MYH11: variants seen among roughly 807,000 people sequenced by gnomAD.
MYH11 encodes the protein myosin heavy chain 11.
MYH11 carries 80 observed loss-of-function variants against 246.6 expected under a neutral mutation model. The ratio of observed to expected loss-of-function variants is 0.32; its 90% CI spans 0.27 to 0.39. MYH11 has a LOEUF of 0.39. Among genes scored for constraint, MYH11 ranks in the 10% least tolerant of loss-of-function variants. The pLI is 1.00. For synonymous variants in MYH11, 1,071 were observed against 1,015.5 expected, an observed-to-expected ratio of 1.05 and a Z score of -1.04; for missense variants, 2,158 against 2,546.8, an observed-to-expected ratio of 0.85 and a Z score of 3.29.
chr16:15,798,633 A>C (rs80350009), intron 4 of MYH11, 27 bp downstream of exon 4: 1 of 1,571,028 alleles, frequency 6.4e-7, no homozygotes, highest in South Asian at 1.2e-5. Flanking sequence ...ACAAAAAAAA[A>C]ACAGAAGAAA....
At chr16:15,817,510 CA>C (rs896327561) in intron 3 of MYH11, among the ~76,000 whole-genome samples, 4 of 143,462 alleles carry the variant, frequency 2.8e-5, no homozygotes, top group African/African-American at 2.7e-5. Context: ...GACTCTGCCT[CA>C]AAAAAAAAGG....
chr16:15,798,701 G>A lies in MYH11; in HGVS notation c.503-14C>T, dbSNP rs2042811263. On this transcript the variant is annotated splice_polypyrimidine_tract_variant and intron_variant, in intron 3 of 40. Transcript: ENST00000300036. ...GGTCCTCCCGATCTGCAAACAGAAA[G>A]AAGAAAAAAGAGCCATGAATTAAAA... The A allele has an allele frequency of 6.3e-7, 1 of 1,592,142 alleles. No homozygotes were observed. The highest frequency in any genetic ancestry group is 8.5e-7 in the Non-Finnish European group (1 of 1,178,272).
chr16:15,729,590 G>C (rs2040900378), intron 27 of MYH11, among the ~76,000 whole-genome samples: 1 of 146,964 alleles, frequency 6.8e-6, no homozygotes, highest in South Asian at 2.2e-4. Flanking sequence ...TCACTCTGTT[G>C]CCCAGGCTGG....
intron 4 of MYH11, among the ~76,000 whole-genome samples, chr16:15,797,637 T>G (rs2042774315): frequency 6.6e-6 from 1 of 150,688 alleles, no homozygotes; most frequent in East Asian, 1.9e-4. Context: ...TTATATATTC[T>G]ATATTTTCAA....
Position 15,724,199 on chromosome 16 carries a change from C to A in MYH11, c.4327G>T (p.Val1443Leu), listed in dbSNP as rs141262029. Residue 1443 changes from valine to leucine, a missense_variant, in exon 31 of 41, where the codon GTG becomes TTG. Physicochemically the swap from Val to Leu is conservative, Grantham distance 32 (BLOSUM62 1). Transcript: ENST00000300036. ...VVDLDNQRQLVSNLEKKQRKF... is the reference protein window; with the variant it reads ...VVDLDNQRQLLSNLEKKQRKF... ...CTCTGCTTCTTTTCCAGGTTGGACA[C>A]GAGTTGCCGCTGGTTGTCCAAATCA... The A allele has an allele frequency of 1.2e-6, 2 of 1,614,074 alleles. No individual in the cohort carries two copies. Among genetic ancestry groups the A allele is most frequent in the Admixed American group, 3.3e-5 (2 of 60,026 alleles).
intron 2 of MYH11, among the ~76,000 whole-genome samples, chr16:15,824,418 C>T (rs1482913589): frequency 6.6e-6 from 1 of 152,024 alleles, no homozygotes; most frequent in Non-Finnish European, 1.5e-5. Context: ...GGTGGTACCA[C>T]AGGTGTGCAC....
chr16:15,841,834 C>T (rs1490291988), intron 1 of MYH11, among the ~76,000 whole-genome samples: 3 of 152,162 alleles, frequency 2.0e-5, no homozygotes, highest in African/African-American at 7.2e-5. Flanking sequence ...AGGATCTATG[C>T]GTGGTTGACA....
At chr16:15,793,498 C>G (rs764597973) in intron 4 of MYH11, among the ~76,000 whole-genome samples, 2 of 152,016 alleles carry the variant, frequency 1.3e-5, no homozygotes, top group African/African-American at 4.8e-5. Flanking sequence ...TTACTGTGTT[C>G]CTCAGTTTGG....
chr16:15,723,694 T>C (rs1283052674), intron 31 of MYH11, among the ~76,000 whole-genome samples: 1 of 152,100 alleles, frequency 6.6e-6, no homozygotes, highest in Non-Finnish European at 1.5e-5. Flanking sequence ...AATGACTGAA[T>C]CCAGGTGGTG....
Position 15,750,309 on chromosome 16 carries a change from G to A in MYH11, c.1887C>T (p.Asp629=), listed in dbSNP as rs530232673. The A allele has an allele frequency of 6.2e-7, 1 of 1,610,884 alleles. No homozygotes were observed. The highest frequency in any genetic ancestry group is 8.5e-7 in the Non-Finnish European group (1 of 1,178,978). Reference sequence around the variant, plus strand: ...AGCTCTCCGTCATCTTGGCCATCTGGTCCAGGCCCACGATGCGGTCCACTA... The same window carrying A: ...AGCTCTCCGTCATCTTGGCCATCTGATCCAGGCCCACGATGCGGTCCACTA... ...WKDVDRIVGL[D]QMAKMTESSL... Residue 629 remains aspartate (D), a synonymous_variant, in exon 16 of 41, where the codon GAC becomes GAT. Coordinates refer to ENST00000300036, the MANE Select transcript of MYH11 (RefSeq NM_002474.3). The surrounding 1 kb of genome is among the most constrained non-coding windows in gnomAD (Gnocchi z 4.3).
In MYH11 at chr16:15,722,069, G is replaced by C. The variant is rs867955616; in HGVS notation, c.4366-435C>G. Among the ~76,000 whole-genome samples the C allele has an allele frequency of 1.2e-4, 19 of 152,158 alleles. No individual in the cohort carries two copies. The Middle Eastern group carries it at 0.02, about 163-fold the overall frequency. ...GATGTGGTTTTGCCATGTTGACCAGGCTGGTCTCGAACTCCTGACCCTCAA... is the reference window on the plus strand; with the variant it reads ...GATGTGGTTTTGCCATGTTGACCAGCCTGGTCTCGAACTCCTGACCCTCAA... On this transcript the variant is annotated intron_variant, in intron 31 of 40. Transcript: ENST00000300036.
intron 1 of MYH11, among the ~76,000 whole-genome samples, chr16:15,848,519 C>G (rs896192753): frequency 6.6e-6 from 1 of 152,126 alleles, no homozygotes; most frequent in Non-Finnish European, 1.5e-5. Flanking sequence ...CAGGCGTGAG[C>G]CACCGCAGCT....
At chr16:15,769,549 C>G (rs1053929439) in intron 9 of MYH11, among the ~76,000 whole-genome samples, 8 of 151,456 alleles carry the variant, frequency 5.3e-5, no homozygotes, top group Admixed American at 2.0e-4. Flanking sequence ...CTGCCTCAGT[C>G]TCCCAAGTAG....
intron 31 of MYH11, among the ~76,000 whole-genome samples, chr16:15,723,817 G>C (rs1321649717): frequency 6.6e-6 from 1 of 152,142 alleles, no homozygotes; most frequent in Admixed American, 6.5e-5. Flanking sequence ...GAATTACTTG[G>C]AATACTACTC....
intron 10 of MYH11, among the ~76,000 whole-genome samples, chr16:15,761,605 C>T (rs1267991657): frequency 2.0e-5 from 3 of 152,176 alleles, no homozygotes; most frequent in African/African-American, 7.2e-5. Context: ...GTCGCCCGGG[C>T]TGAAGTGCAG....
chr16:15,824,886 C>T (rs1343379606), intron 2 of MYH11, among the ~76,000 whole-genome samples: 2 of 152,150 alleles, frequency 1.3e-5, no homozygotes, highest in Non-Finnish European at 2.9e-5. Flanking sequence ...TTCCCCACCG[C>T]CTGTTTGACA....
chr16:15,855,426 A>C (rs1282091944), intron 1 of MYH11, among the ~76,000 whole-genome samples: 1 of 152,214 alleles, frequency 6.6e-6, no homozygotes, highest in East Asian at 1.9e-4. Flanking sequence ...GTTTGTGTCC[A>C]TGGTAAAGAA....
At chr16:15,781,576 C>A (rs1351230361) in intron 6 of MYH11, among the ~76,000 whole-genome samples, 1 of 152,218 alleles carries the variant, frequency 6.6e-6, no homozygotes, top group Non-Finnish European at 1.5e-5. Context: ...ACAACCGCTT[C>A]TTTTGCACAA....
At chr16:15,723,685 A>G (rs1001721636) in intron 31 of MYH11, among the ~76,000 whole-genome samples, 2 of 152,160 alleles carry the variant, frequency 1.3e-5, no homozygotes, top group African/African-American at 2.4e-5. Flanking sequence ...TACAGTGTCA[A>G]TGACTGAATC....
Sources: allele counts gnomAD v4.1 joint callset (sites outside exome capture counted in the v4.1 genomes callset), GRCh38; gene constraint gnomAD v4.1.1; non-coding constraint Gnocchi (gnomAD v3.1); transcripts MANE v1.5; gene names NCBI Gene and HGNC (gene_info 2026-07-23, HGNC 2026-07-21).